The following SLC44A5 variants were observed in gnomAD, a reference collection of about 807,000 sequenced individuals.
The protein encoded by SLC44A5 is choline transporter-like protein 5.
SLC44A5 carries 57 observed loss-of-function variants against 101.8 expected under a neutral mutation model. That is an observed-to-expected ratio of 0.56 (90% confidence interval 0.45 to 0.70). SLC44A5 has a LOEUF of 0.70. Among genes scored for constraint, SLC44A5 ranks in the 30% least tolerant of loss-of-function variants. SLC44A5 has a pLI of 0.00. For synonymous variants in SLC44A5, 281 were observed against 290.9 expected (o/e 0.97, Z 0.35); for missense variants, 737 against 853.1 (o/e 0.86, Z 1.70).
rs566694024 is a variant in SLC44A5 at position 75,388,237 on chromosome 1, C to CA, written c.52+8345dup. ...AAATAAATAAATAAATAAATAAATC[C>CA]AAAAAAAAACAGTATTAAAAAAAAA... On this transcript the variant is annotated intron_variant, in intron 3 of 23. Coordinates refer to ENST00000370859, the MANE Select transcript of SLC44A5 (RefSeq NM_001130058.2). Among the ~76,000 whole-genome samples the CA allele has an allele frequency of 7.0e-3, 630 of 89,630 alleles. 5 individuals carry two copies. The highest frequency in any genetic ancestry group is 0.057 in the South Asian group (169 of 2,974). The allele number at this position is 89,630 out of a possible 152,430, so 58.8% of individuals were successfully genotyped here.
At chr1:75,323,455 C>T (rs1319997693) in intron 4 of SLC44A5, among the ~76,000 whole-genome samples, 4 of 151,882 alleles carry the variant, frequency 2.6e-5, no homozygotes, top group Non-Finnish European at 5.9e-5. Context: ...GGGTATATAC[C>T]CAGTAATGGG....
intron 3 of SLC44A5, among the ~76,000 whole-genome samples, chr1:75,342,648 C>T (rs1348291600): frequency 3.3e-5 from 5 of 152,074 alleles, no homozygotes; most frequent in Non-Finnish European, 5.9e-5. Context: ...AAGGGGTTAA[C>T]AACTTCTATT....
At chr1:75,646,110 T>C in the SLC44A5 span, among the ~76,000 whole-genome samples, 1 of 135,264 alleles carries the variant, frequency 7.4e-6, no homozygotes, top group Non-Finnish European at 1.6e-5. Flanking sequence ...GACTTGGCAA[T>C]ATGGGCTCTT....
intron 7 of SLC44A5, among the ~76,000 whole-genome samples, chr1:75,246,787 T>TA (rs1305112434): frequency 2.0e-5 from 3 of 151,974 alleles, no homozygotes; most frequent in African/African-American, 7.2e-5. Flanking sequence ...TCTGGAAAAA[T>TA]AATTCTCTAG....
At chr1:75,518,881 G>A (rs925683545) in intron 2 of SLC44A5, among the ~76,000 whole-genome samples, 4 of 152,156 alleles carry the variant, frequency 2.6e-5, no homozygotes, top group Non-Finnish European at 5.9e-5. Context: ...ATGCTAACGA[G>A]ATTTCTTGTT....
chr1:75,376,277 C>A (rs982333123), intron 3 of SLC44A5, among the ~76,000 whole-genome samples: 3 of 152,248 alleles, frequency 2.0e-5, no homozygotes, highest in African/African-American at 7.2e-5. Flanking sequence ...CCCGCCATTG[C>A]CCAGGCTTGC....
chr1:75,350,611 C>T (rs528160080), intron 3 of SLC44A5, among the ~76,000 whole-genome samples: 1 of 151,312 alleles, frequency 6.6e-6, no homozygotes, highest in Admixed American at 6.6e-5. Flanking sequence ...AAGGTTGAAA[C>T]AGACTGGGCC....
intron 5 of SLC44A5, among the ~76,000 whole-genome samples, chr1:75,294,860 G>A (rs954577096): frequency 1.3e-5 from 2 of 152,100 alleles, no homozygotes; most frequent in Admixed American, 1.3e-4. Flanking sequence ...CAGAACGGTA[G>A]GTGCCAGGAT....
At chr1:75,716,011 G>T in the SLC44A5 span, among the ~76,000 whole-genome samples, 13 of 152,134 alleles carry the variant, frequency 8.5e-5, no homozygotes, top group Non-Finnish European at 1.5e-5. Flanking sequence ...GACATGAACA[G>T]ATACTTTTGA....
the SLC44A5 span, among the ~76,000 whole-genome samples, chr1:75,685,710 T>G: frequency 6.6e-6 from 1 of 152,168 alleles, no homozygotes; most frequent in Admixed American, 6.5e-5. Flanking sequence ...CTTTTCTTTC[T>G]TCTTCTGAGC....
chr1:75,584,757 T>C (rs536672304), intron 1 of SLC44A5, among the ~76,000 whole-genome samples: 1 of 152,126 alleles, frequency 6.6e-6, no homozygotes, highest in African/African-American at 2.4e-5. Context: ...CCACAATGCC[T>C]GGCTAATTTT....
chr1:75,648,040 C>T, the SLC44A5 span, among the ~76,000 whole-genome samples: 4 of 152,146 alleles, frequency 2.6e-5, no homozygotes, highest in Non-Finnish European at 5.9e-5. Context: ...CTCTGTTTCC[C>T]CACCCAAATC....
At chr1:75,710,627 A>C in the SLC44A5 span, 4 of 151,222 alleles carry the variant, frequency 2.6e-5, no homozygotes, top group Non-Finnish European at 2.9e-5. Context: ...AAAAGCATAG[A>C]GATAGATGAG....
chr1:75,413,924 C>T (rs139723502), intron 2 of SLC44A5, among the ~76,000 whole-genome samples: 144 of 152,316 alleles, frequency 9.5e-4, no homozygotes, highest in Non-Finnish European at 1.6e-3. Context: ...GCCAGTCTTG[C>T]TTTTCTTCCC....
At chr1:75,722,161 A>C in the SLC44A5 span, among the ~76,000 whole-genome samples, 1 of 152,222 alleles carries the variant, frequency 6.6e-6, no homozygotes, top group South Asian at 2.1e-4. Context: ...AAATATATAA[A>C]TAAATATGGA....
intron 2 of SLC44A5, among the ~76,000 whole-genome samples, chr1:75,424,520 G>A (rs1203801091): frequency 6.6e-6 from 1 of 152,122 alleles, no homozygotes; most frequent in African/African-American, 2.4e-5. Context: ...GACCAGGCTG[G>A]TCTTGAACTC....
rs1662786834 is a variant in SLC44A5, at chr1:75,405,472, C to T, written c.14-8851G>A. 3.3e-5 allele frequency among the ~76,000 whole-genome samples: 5 copies of T among 152,148 alleles called. No homozygotes were observed. In the South Asian group the frequency reaches 1.0e-3, roughly 32 times the overall value. ...TAATTGGAAGTAAATCACTCCTCAG[C>T]AAATGCAAAAGAATGGAAATCATAA... On this transcript the variant is annotated intron_variant, in intron 2 of 23. Coordinates refer to ENST00000370859, the MANE Select transcript of SLC44A5 (RefSeq NM_001130058.2).
At position 75,508,723 on chromosome 1, in the gene SLC44A5, T is replaced by C. The variant is rs193010339; in HGVS notation, c.13+32712A>G. Among the ~76,000 whole-genome samples, 65 of 152,294 alleles carry C rather than the reference T, an allele frequency of 4.3e-4. 2 individuals are homozygous for C. The East Asian group carries it at 0.011, about 25-fold the overall frequency. ...TCTCAGAGACTATTATGAACATCTC[T>C]ATGCAAACAAACTAAAAAATCTAGA... On this transcript the variant is annotated intron_variant, in intron 2 of 23. Transcript: ENST00000370859.
In SLC44A5 at chr1:75,535,687, G is replaced by A. The variant is rs1670957622; in HGVS notation, c.13+5748C>T. 2.0e-5 allele frequency among the ~76,000 whole-genome samples: 3 copies of A among 152,068 alleles called. No homozygotes were observed. The South Asian group carries it at 6.2e-4, about 32-fold the overall frequency. ...AGTAGACTAGTATTTCCTAAAGAAT[G>A]GTGCAGGAAACACTGGAGAACTCTA... On this transcript the variant is annotated intron_variant, in intron 2 of 23. Coordinates refer to ENST00000370859, the MANE Select transcript of SLC44A5 (RefSeq NM_001130058.2).
Sources: allele counts gnomAD v4.1 joint callset (sites outside exome capture counted in the v4.1 genomes callset), GRCh38; gene constraint gnomAD v4.1.1; transcripts MANE v1.5; gene names NCBI Gene and HGNC (gene_info 2026-07-23, HGNC 2026-07-21).